The following PXDNL variants were observed in gnomAD, a reference collection of about 807,000 sequenced individuals.
PXDNL encodes peroxidasin like, also known as probable oxidoreductase PXDNL.
PXDNL carries 145 observed loss-of-function variants against 150.8 expected under a neutral mutation model. That is an observed-to-expected ratio of 0.96 (90% CI 0.84 to 1.10). PXDNL has a LOEUF of 1.10. Ranked by LOEUF, PXDNL falls within the 50% of genes least tolerant of loss-of-function variation. The pLI, the probability that PXDNL is intolerant of heterozygous loss-of-function variation, is 0.00. For synonymous variants in PXDNL, 757 were observed against 725.7 expected, an observed-to-expected ratio of 1.04 and a Z score of -0.69; for missense variants, 2,087 against 1,873.9, an observed-to-expected ratio of 1.11 and a Z score of -2.10.
chr8:51,500,745 A>C (rs1345995249), intron 4 of PXDNL, among the ~76,000 whole-genome samples: 1 of 152,230 alleles, frequency 6.6e-6, no homozygotes, highest in South Asian at 2.1e-4. Context: ...GATATTGTAC[A>C]TTTATGTGGG....
intron 3 of PXDNL, 130 bp from the exon 4 acceptor site, chr8:51,557,041 T>A (rs1295553506): frequency 1.7e-6 from 1 of 601,184 alleles, no homozygotes; most frequent in African/African-American, 1.9e-5. Context: ...TCTCTAACAA[T>A]ATATAGAAAC....
At chr8:51,738,117 A>C (rs1350519440) in intron 1 of PXDNL, among the ~76,000 whole-genome samples, 5 of 152,244 alleles carry the variant, frequency 3.3e-5, no homozygotes, top group African/African-American at 1.2e-4. Context: ...GCTTTCTAGC[A>C]GGCTTTTCTG....
At chr8:51,647,603 T>G (rs886757328) in intron 2 of PXDNL, among the ~76,000 whole-genome samples, 6 of 152,180 alleles carry the variant, frequency 3.9e-5, no homozygotes, top group Non-Finnish European at 5.9e-5. Context: ...TGGTAGTATA[T>G]GAGGGGCAGT....
chr8:51,747,584 G>GT (rs1261228296), intron 1 of PXDNL, among the ~76,000 whole-genome samples: 13 of 152,104 alleles, frequency 8.5e-5, no homozygotes, highest in Admixed American at 2.6e-4. Flanking sequence ...AGTTGATGCC[G>GT]TTTTTTTGAG....
intron 3 of PXDNL, among the ~76,000 whole-genome samples, chr8:51,571,910 A>C (rs566903798): frequency 6.6e-6 from 1 of 151,910 alleles, no homozygotes; most frequent in Non-Finnish European, 1.5e-5. Context: ...ACAATGATCA[A>C]GAAATGTGTA....
At chr8:51,639,314 A>G (rs1317906552) in intron 2 of PXDNL, among the ~76,000 whole-genome samples, 1 of 152,236 alleles carries the variant, frequency 6.6e-6, no homozygotes, top group Non-Finnish European at 1.5e-5. Flanking sequence ...GAGCAAACAC[A>G]TTCAAAAGCT....
At chr8:51,784,736 G>A (rs1272956969) in intron 1 of PXDNL, among the ~76,000 whole-genome samples, 2 of 150,346 alleles carry the variant, frequency 1.3e-5, no homozygotes. Context: ...CCTGCAGTTA[G>A]AAAAAAAAAA....
intron 5 of PXDNL, 73 bp downstream of exon 5, chr8:51,499,626 C>T (rs1304380070): frequency 3.6e-5 from 41 of 1,145,856 alleles, no homozygotes; most frequent in African/African-American, 6.1e-5. Flanking sequence ...CTGATCTCCA[C>T]GGCAGTCAGA....
At chr8:51,679,199 T>A (rs762818829) in intron 1 of PXDNL, among the ~76,000 whole-genome samples, 1 of 152,246 alleles carries the variant, frequency 6.6e-6, no homozygotes, top group Non-Finnish European at 1.5e-5. Context: ...AGACAATGCA[T>A]CCTCTTTATT....
At chr8:51,524,942 C>T (rs556387097) in intron 4 of PXDNL, among the ~76,000 whole-genome samples, 1 of 152,306 alleles carries the variant, frequency 6.6e-6, no homozygotes, top group African/African-American at 2.4e-5. Flanking sequence ...ACCTAGAAAA[C>T]ACTAAAACTG....
intron 4 of PXDNL, among the ~76,000 whole-genome samples, chr8:51,506,102 ATGCTG>A (rs1811279097): frequency 6.6e-6 from 1 of 152,238 alleles, no homozygotes; most frequent in Non-Finnish European, 1.5e-5. Flanking sequence ...TCTCATTTGC[ATGCTG>A]TGCTAAAGTC....
At position 51,394,183 on chromosome 8, in the gene PXDNL, TTA is replaced by T. The variant is rs532061704; in HGVS notation, c.3557+13882_3557+13883del. ...TCTATATATGTTGGAGCATGAATAA[TTA>T]TTTTAAAAAATAGCACTTCATGTAA... On this transcript the variant is annotated intron_variant, in intron 17 of 22. Coordinates refer to ENST00000356297, the MANE Select transcript of PXDNL (RefSeq NM_144651.5). Among the ~76,000 whole-genome samples, 159 of 152,342 alleles carry T rather than the reference TTA, an allele frequency of 1.0e-3. 1 individual carries two copies. The highest frequency in any genetic ancestry group is 2.0e-3 in the Non-Finnish European group (133 of 68,034).
At chr8:51,355,348 A>T (rs1479626925) in intron 19 of PXDNL, among the ~76,000 whole-genome samples, 1 of 152,214 alleles carries the variant, frequency 6.6e-6, no homozygotes, top group African/African-American at 2.4e-5. Flanking sequence ...TGTACATAAA[A>T]TATACTGTAT....
chr8:51,462,207 A>C (rs533380379), intron 8 of PXDNL, among the ~76,000 whole-genome samples: 2 of 152,172 alleles, frequency 1.3e-5, no homozygotes, highest in African/African-American at 4.8e-5. Context: ...TCAAATGAGT[A>C]AGAATCAGTG....
chr8:51,712,666 T>C (rs1816524076), intron 1 of PXDNL, among the ~76,000 whole-genome samples: 2 of 152,202 alleles, frequency 1.3e-5, no homozygotes, highest in Non-Finnish European at 2.9e-5. Context: ...ATAATGACTT[T>C]AGCTTCTATA....
intron 1 of PXDNL, among the ~76,000 whole-genome samples, chr8:51,729,819 A>G (rs1816883052): frequency 6.6e-6 from 1 of 152,234 alleles, no homozygotes. Context: ...TGAGCTATCA[A>G]GCCATAAAAA....
intron 4 of PXDNL, among the ~76,000 whole-genome samples, chr8:51,544,142 C>T (rs890848872): frequency 2.0e-5 from 3 of 152,144 alleles, no homozygotes; most frequent in African/African-American, 7.2e-5. Context: ...AAGGTCTTTA[C>T]CTTTGGTAAA....
At chr8:51,463,089 T>A (rs1810120485) in intron 8 of PXDNL, among the ~76,000 whole-genome samples, 1 of 152,144 alleles carries the variant, frequency 6.6e-6, no homozygotes. Context: ...GTTAAGAGAA[T>A]TAGTTAACAC....
chr8:51,553,187 C>A (rs1338741894), intron 4 of PXDNL, among the ~76,000 whole-genome samples: 1 of 152,220 alleles, frequency 6.6e-6, no homozygotes, highest in Admixed American at 6.5e-5. Flanking sequence ...CAGCCCAAGC[C>A]CTATGGCTCA....
Sources: gnomAD v4.1 joint callset for allele counts (sites outside exome capture counted in the v4.1 genomes callset) on GRCh38, gnomAD v4.1.1 for gene constraint, MANE v1.5 for transcripts, NCBI Gene and HGNC (gene_info 2026-07-23, HGNC 2026-07-21) for gene names.